PDE3A: variants seen among roughly 807,000 people sequenced by gnomAD.
PDE3A encodes the protein phosphodiesterase 3A.
A neutral mutation model predicts 98.3 loss-of-function variants in PDE3A; 43 were observed. That is an observed-to-expected ratio of 0.44 (90% CI 0.34 to 0.56). The LOEUF is 0.56. Ranked by LOEUF, PDE3A falls within the 20% of genes least tolerant of loss-of-function variation. The pLI, the probability that PDE3A is intolerant of heterozygous loss-of-function variation, is 0.01. For synonymous variants in PDE3A, 663 were observed against 567.9 expected (o/e 1.17, Z -2.38); for missense variants, 1,427 against 1,440.7 (o/e 0.99, Z 0.15).
chr12:20,369,314 C>A lies in PDE3A; in HGVS notation c.30C>A (p.Val10=). The change falls in exon 1 of 16, where the codon GTC becomes GTA. Residue 10 remains valine (V), a synonymous_variant. Coordinates refer to ENST00000359062, the MANE Select transcript of PDE3A (RefSeq NM_000921.5). MAVPGDAAR[V]RDKPVHSGVS... is the part of the protein sequence containing the mutation. ...CAGTGCCCGGCGACGCTGCACGAGTCAGGGACAAGCCCGTCCACAGTGGGG... is the reference window on the plus strand; with the variant it reads ...CAGTGCCCGGCGACGCTGCACGAGTAAGGGACAAGCCCGTCCACAGTGGGG... 1 of 1,542,222 alleles carries A rather than the reference C, an allele frequency of 6.5e-7. No homozygotes were observed.
intron 1 of PDE3A, among the ~76,000 whole-genome samples, chr12:20,481,679 A>G (rs1463634450): frequency 6.6e-6 from 1 of 151,762 alleles, no homozygotes; most frequent in African/African-American, 2.4e-5. Flanking sequence ...TGCTTAGAGC[A>G]TCTCTTCACA....
intron 1 of PDE3A, among the ~76,000 whole-genome samples, chr12:20,542,812 G>A (rs758654504): frequency 5.3e-5 from 8 of 151,998 alleles, no homozygotes; most frequent in African/African-American, 1.4e-4. Context: ...CAGTGGGTTC[G>A]TCTGAGTTTT....
chr12:20,639,063 A>G (rs1944585885), intron 9 of PDE3A, among the ~76,000 whole-genome samples: 1 of 152,128 alleles, frequency 6.6e-6, no homozygotes, highest in African/African-American at 2.4e-5. Flanking sequence ...CAAGTTCTCC[A>G]AATGAGGATT....
chr12:20,457,416 G>A (rs1372657116), intron 1 of PDE3A, among the ~76,000 whole-genome samples: 4 of 151,538 alleles, frequency 2.6e-5, no homozygotes, highest in African/African-American at 9.7e-5. Context: ...ATGAAACAAG[G>A]CGTATATGAA....
rs552134390 is a variant in PDE3A, at chr12:20,436,372, C to T, written c.960+66128C>T. On this transcript the variant is annotated intron_variant, in intron 1 of 15. Transcript: ENST00000359062. ...AAAAAAACTATGCTGCTTTCTGTTC[C>T]CAAGGAAACATTTTAGGGGTGAAAG... is the stretch of plus-strand genomic sequence containing the variant. Among the ~76,000 whole-genome samples the T allele has an allele frequency of 7.2e-5, 11 of 152,204 alleles. No individual in the cohort carries two copies. In the East Asian group the frequency reaches 2.1e-3, roughly 29 times the overall value.
chr12:20,386,503 T>C (rs1943809528), intron 1 of PDE3A, among the ~76,000 whole-genome samples: 1 of 151,360 alleles, frequency 6.6e-6, no homozygotes, highest in South Asian at 2.1e-4. Context: ...TTTTCTTTTT[T>C]CTTCTTTCTT....
chr12:20,614,011 A>G (rs1943936716), intron 3 of PDE3A, among the ~76,000 whole-genome samples: 1 of 152,216 alleles, frequency 6.6e-6, no homozygotes, highest in Admixed American at 6.5e-5. Flanking sequence ...TATTGCAACA[A>G]CAACAACAAA....
intron 2 of PDE3A, among the ~76,000 whole-genome samples, chr12:20,605,588 G>A (rs990545066): frequency 1.5e-4 from 23 of 151,976 alleles, no homozygotes; most frequent in African/African-American, 5.1e-4. Flanking sequence ...AAAAGATCCC[G>A]CCCAGTTCTC....
chr12:20,483,443 G>C (rs1945668527), intron 1 of PDE3A, among the ~76,000 whole-genome samples: 1 of 152,054 alleles, frequency 6.6e-6, no homozygotes. Flanking sequence ...AACAAATTCT[G>C]GCAAATGACT....
Position 20,684,734 on chromosome 12 carries a change from G to T in PDE3A, c.*4463G>T, listed in dbSNP as rs573977370. On this transcript the variant is annotated 3_prime_UTR_variant, in exon 16 of 16. Coordinates refer to ENST00000359062, the MANE Select transcript of PDE3A (RefSeq NM_000921.5). Reference sequence around the variant, plus strand: ...GTAAAGAATATTCCAAGATTAAATTGTTCTTTTTAAGAAATATATCAGTTT... The same window carrying T: ...GTAAAGAATATTCCAAGATTAAATTTTTCTTTTTAAGAAATATATCAGTTT... Among the ~76,000 whole-genome samples, 1 of 152,198 alleles carries T rather than the reference G, an allele frequency of 6.6e-6. No individual in the cohort carries two copies. Among genetic ancestry groups the T allele is most frequent in the East Asian group, 1.9e-4 (1 of 5,168 alleles).
intron 1 of PDE3A, among the ~76,000 whole-genome samples, chr12:20,544,952 A>T (rs771609009): frequency 4.6e-5 from 7 of 152,152 alleles, no homozygotes; most frequent in Non-Finnish European, 1.0e-4. Flanking sequence ...AAGCTTTAAC[A>T]TGCTAACAGG....
chr12:20,630,488 C>T (rs755891928), intron 6 of PDE3A, among the ~76,000 whole-genome samples: 5 of 152,074 alleles, frequency 3.3e-5, no homozygotes, highest in Admixed American at 6.6e-5. Flanking sequence ...TACTTGTTCT[C>T]CAGGGAATGG....
intron 2 of PDE3A, among the ~76,000 whole-genome samples, chr12:20,580,333 C>G (rs969343857): frequency 1.3e-5 from 2 of 152,044 alleles, no homozygotes; most frequent in Non-Finnish European, 2.9e-5. Context: ...TAATAAGGCA[C>G]ACAAAAATTA....
At chr12:20,572,841 AT>A (rs1942833709) in intron 2 of PDE3A, among the ~76,000 whole-genome samples, 1 of 152,090 alleles carries the variant, frequency 6.6e-6, no homozygotes, top group Non-Finnish European at 1.5e-5. Context: ...TCGTGCATGT[AT>A]TTTATGTTTT....
intron 2 of PDE3A, among the ~76,000 whole-genome samples, chr12:20,576,079 G>A (rs1207731780): frequency 6.6e-6 from 1 of 151,882 alleles, no homozygotes; most frequent in East Asian, 1.9e-4. Flanking sequence ...TATGCAATTC[G>A]TAACAGGCAC....
At chr12:20,438,691 T>C (rs1944817984) in intron 1 of PDE3A, among the ~76,000 whole-genome samples, 1 of 152,140 alleles carries the variant, frequency 6.6e-6, no homozygotes, top group Non-Finnish European at 1.5e-5. Context: ...GCCTTGCTTC[T>C]AGTCCAATAA....
intron 1 of PDE3A, among the ~76,000 whole-genome samples, chr12:20,404,809 CAT>C (rs1344549797): frequency 2.1e-5 from 3 of 143,856 alleles, no homozygotes; most frequent in Admixed American, 7.0e-5. Context: ...CCATTCCACA[CAT>C]GTGTAGGTTA....
intron 1 of PDE3A, among the ~76,000 whole-genome samples, chr12:20,509,234 T>G (rs1946173314): frequency 6.6e-6 from 1 of 152,100 alleles, no homozygotes; most frequent in Non-Finnish European, 1.5e-5. Flanking sequence ...ACCACATCTG[T>G]GTCCACAGCT....
intron 15 of PDE3A, among the ~76,000 whole-genome samples, chr12:20,678,124 A>G (rs1282404109): frequency 6.6e-6 from 1 of 152,154 alleles, no homozygotes; most frequent in African/African-American, 2.4e-5. Context: ...TATCAGTTTC[A>G]GAGACCACAT....
Sources: gnomAD v4.1 joint callset for allele counts (sites outside exome capture counted in the v4.1 genomes callset) on GRCh38, gnomAD v4.1.1 for gene constraint, MANE v1.5 for transcripts, NCBI Gene and HGNC (gene_info 2026-07-23, HGNC 2026-07-21) for gene names.